Variants in DAG1 observed in about 807,000 individuals in gnomAD.
DAG1 encodes the protein dystroglycan 1.
DAG1 carries 8 observed loss-of-function variants against 46.1 expected under a neutral mutation model. The observed-to-expected ratio is 0.17, with a 90% CI of 0.10 to 0.31. The LOEUF (loss-of-function observed/expected upper bound fraction) is 0.31. Ranked by LOEUF, DAG1 falls within the 10% of genes least tolerant of loss-of-function variation. DAG1 has a pLI of 1.00. For missense variants in DAG1, 1,003 were observed against 1,189.9 expected, an observed-to-expected ratio of 0.84 and a Z score of 2.31; for synonymous variants, 495 against 481.8, an observed-to-expected ratio of 1.03 and a Z score of -0.36.
chr3:49,511,972 T>C (rs940554287), intron 2 of DAG1, among the ~76,000 whole-genome samples: 4 of 152,370 alleles, frequency 2.6e-5, no homozygotes, highest in East Asian at 3.9e-4. Context: ...TTTACACTTA[T>C]AGTCCCATTC....
chr3:49,484,538 C>T (rs919538536), intron 1 of DAG1, among the ~76,000 whole-genome samples: 3 of 152,094 alleles, frequency 2.0e-5, no homozygotes, highest in African/African-American at 7.2e-5. Context: ...ATAAAAATGG[C>T]TCCGTATGCT....
intron 2 of DAG1, among the ~76,000 whole-genome samples, chr3:49,524,831 C>A (rs2051124201): frequency 6.6e-6 from 1 of 151,946 alleles, no homozygotes; most frequent in Non-Finnish European, 1.5e-5. Context: ...CACCCACACA[C>A]ACAAAATACC....
chr3:49,485,294 G>T (rs1354104819), intron 1 of DAG1, among the ~76,000 whole-genome samples: 1 of 152,166 alleles, frequency 6.6e-6, no homozygotes, highest in Non-Finnish European at 1.5e-5. Context: ...GTGTTGTTCT[G>T]TCGCCCAGGC....
intron 1 of DAG1, among the ~76,000 whole-genome samples, chr3:49,487,785 C>T (rs111327216): frequency 0.1 from 15,681 of 149,362 alleles, 1,178 homozygotes; most frequent in South Asian, 0.15. Flanking sequence ...CTGCAACCTC[C>T]GCCTCCCGGG....
intron 1 of DAG1, among the ~76,000 whole-genome samples, chr3:49,485,887 C>T (rs2050012604): frequency 6.6e-6 from 1 of 152,090 alleles, no homozygotes; most frequent in Non-Finnish European, 1.5e-5. Context: ...TCTCAAACTC[C>T]TAGCCTCAGG....
chr3:49,502,470 G>C (rs1345819965), intron 1 of DAG1, among the ~76,000 whole-genome samples: 2 of 152,164 alleles, frequency 1.3e-5, no homozygotes, highest in Non-Finnish European at 2.9e-5. Context: ...GGTTCCTGCG[G>C]AGGAATGGGT....
intron 1 of DAG1, among the ~76,000 whole-genome samples, chr3:49,485,657 C>CTTTT (rs749730213): frequency 4.1e-4 from 34 of 82,056 alleles, no homozygotes; most frequent in African/African-American, 1.1e-3. Context: ...TGTTTTCTTT[C>CTTTT]TTTTTTTTTT....
At chr3:49,522,312 G>A (rs142268518) in intron 2 of DAG1, among the ~76,000 whole-genome samples, 48 of 151,858 alleles carry the variant, frequency 3.2e-4, no homozygotes, top group African/African-American at 9.4e-4. Context: ...GATTACAGGC[G>A]TGAGCCACTG....
At chr3:49,507,605 C>T (rs1285120008) in intron 1 of DAG1, among the ~76,000 whole-genome samples, 2 of 151,670 alleles carry the variant, frequency 1.3e-5, no homozygotes, top group Non-Finnish European at 2.9e-5. Flanking sequence ...ATTCAATTTC[C>T]TTAATATTTT....
chr3:49,510,375 A>G lies in DAG1; in HGVS notation c.-116-44A>G, dbSNP rs2107645534. 6 of 713,122 alleles carry G rather than the reference A, an allele frequency of 8.4e-6. No homozygotes were observed. The South Asian group carries it at 9.7e-5, about 11-fold the overall frequency. The allele number at this position is 713,122 out of a possible 1,614,324, so 44.2% of individuals were successfully genotyped here. A position where few individuals can be genotyped will look rare whatever the true frequency, so the allele number is the denominator to read the frequency against. On this transcript the variant is annotated intron_variant, in intron 1 of 2. Transcript: ENST00000308775. ...CTGGAGGATAGTATGTGACTGAACC[A>G]CTGGAATTGCTCAAGTCTAAACCTG...
intron 1 of DAG1, among the ~76,000 whole-genome samples, chr3:49,491,698 G>A (rs1430058134): frequency 2.0e-5 from 3 of 151,984 alleles, no homozygotes; most frequent in African/African-American, 4.8e-5. Context: ...GGATGGTCTC[G>A]ATCTCCTGAC....
intron 1 of DAG1, among the ~76,000 whole-genome samples, chr3:49,505,339 C>T (rs1175862726): frequency 2.0e-5 from 3 of 151,998 alleles, no homozygotes; most frequent in African/African-American, 4.8e-5. Context: ...TGGGTTCCTC[C>T]GTCAGCCTCT....
At chr3:49,500,952 A>G (rs182516022) in intron 1 of DAG1, among the ~76,000 whole-genome samples, 2 of 152,242 alleles carry the variant, frequency 1.3e-5, no homozygotes, top group African/African-American at 4.8e-5. Context: ...TGATACAAGT[A>G]TATGGATGCA....
chr3:49,483,143 A>T (rs1021147060), intron 1 of DAG1, among the ~76,000 whole-genome samples: 36 of 151,498 alleles, frequency 2.4e-4, no homozygotes, highest in African/African-American at 7.8e-4. Flanking sequence ...TCCATAAAAC[A>T]TGCATGTGAT....
intron 1 of DAG1, among the ~76,000 whole-genome samples, chr3:49,487,761 G>A (rs113347337): frequency 3.1e-4 from 46 of 146,624 alleles, no homozygotes; most frequent in African/African-American, 1.8e-4. Context: ...GTGCAGTGGC[G>A]TGATCTCGGC....
rs913914393 is a variant in DAG1, at chr3:49,512,389, T to TTTAATTAA, written c.285+1581_285+1588dup. 1.1e-4 allele frequency among the ~76,000 whole-genome samples: 16 copies of TTTAATTAA among 151,762 alleles called. No individual in the cohort carries two copies. In the South Asian group the frequency reaches 1.2e-3, roughly 12 times the overall value. ...AGCTAATTTTTAAATTTTAATTTAT[T>TTTAATTAA]TTAATTAATTAATTAATTTTGAGAT... On this transcript the variant is annotated intron_variant, in intron 2 of 2. Transcript: ENST00000308775.
At chr3:49,495,131 G>A (rs1384885437) in intron 1 of DAG1, among the ~76,000 whole-genome samples, 4 of 152,136 alleles carry the variant, frequency 2.6e-5, no homozygotes, top group Non-Finnish European at 5.9e-5. Context: ...ACCCCCAGTA[G>A]ACACTGATCA....
Position 49,499,738 on chromosome 3 carries a change from TG to T in DAG1, c.-116-10679del, listed in dbSNP as rs1575370692. Among the ~76,000 whole-genome samples the T allele has an allele frequency of 2.6e-5, 4 of 152,234 alleles. No individual in the cohort carries two copies. In the South Asian group the frequency reaches 8.3e-4, roughly 32 times the overall value. On this transcript the variant is annotated intron_variant, in intron 1 of 2. Coordinates refer to ENST00000308775, the MANE Select transcript of DAG1 (RefSeq NM_004393.6). ...CCTTTGGTTGCATCTTCCTGGGGGA[TG>T]GTATTGGTGGTGGTGATGGGAGGGG...
At chr3:49,502,912 C>T (rs1259751360) in intron 1 of DAG1, among the ~76,000 whole-genome samples, 1 of 152,208 alleles carries the variant, frequency 6.6e-6, no homozygotes, top group African/African-American at 2.4e-5. Flanking sequence ...GCTGGGATTA[C>T]AGGCATGAGT....
Sources: allele counts gnomAD v4.1 joint callset (sites outside exome capture counted in the v4.1 genomes callset), GRCh38; gene constraint gnomAD v4.1.1; transcripts MANE v1.5; gene names NCBI Gene and HGNC (gene_info 2026-07-23, HGNC 2026-07-21).